The following CAMK2D variants were observed in gnomAD, a reference collection of about 807,000 sequenced individuals.
The protein encoded by CAMK2D is calcium/calmodulin-dependent protein kinase type II subunit delta.
A neutral mutation model predicts 84.0 loss-of-function variants in CAMK2D; 37 were observed. That is an observed-to-expected ratio of 0.44 (90% CI 0.34 to 0.58). CAMK2D has a LOEUF of 0.58. CAMK2D is among the 20% of genes least tolerant of loss of function. The probability of loss-of-function intolerance (pLI) is 0.02; values close to 1 mark genes in which losing one functional copy is unlikely to be tolerated. For missense variants in CAMK2D, 448 were observed against 652.5 expected, an observed-to-expected ratio of 0.69 and a Z score of 3.41; for synonymous variants, 202 against 212.5, an observed-to-expected ratio of 0.95 and a Z score of 0.43.
At chr4:113,597,375 C>T (rs961453044) in intron 4 of CAMK2D, among the ~76,000 whole-genome samples, 6 of 152,192 alleles carry the variant, frequency 3.9e-5, no homozygotes, top group Non-Finnish European at 8.8e-5. Flanking sequence ...GCAGCTTCTC[C>T]ATCAGCTCTT....
intron 4 of CAMK2D, among the ~76,000 whole-genome samples, chr4:113,599,029 G>T (rs568498587): frequency 3.7e-4 from 57 of 152,236 alleles, no homozygotes; most frequent in African/African-American, 1.3e-3. Context: ...CACCATAGAA[G>T]AATGCAGATG....
At chr4:113,595,048 AAAAGAAAAAAC>A (rs2098917893) in intron 4 of CAMK2D, among the ~76,000 whole-genome samples, 1 of 152,112 alleles carries the variant, frequency 6.6e-6, no homozygotes, top group African/African-American at 2.4e-5. Context: ...AAAACAAAGA[AAAAGAAAAAAC>A]AAAGAAAAAA....
At chr4:113,494,205 G>C (rs965498306) in intron 16 of CAMK2D, among the ~76,000 whole-genome samples, 2 of 152,224 alleles carry the variant, frequency 1.3e-5, no homozygotes, top group African/African-American at 2.4e-5. Flanking sequence ...CTTTGGAGGA[G>C]GAGAGGCACT....
intron 8 of CAMK2D, among the ~76,000 whole-genome samples, chr4:113,528,412 T>C (rs941348663): frequency 1.3e-5 from 2 of 152,048 alleles, no homozygotes; most frequent in Non-Finnish European, 2.9e-5. Flanking sequence ...TTAACCACTA[T>C]ACATACTGCC....
chr4:113,753,173 G>T (rs528357268), intron 2 of CAMK2D, among the ~76,000 whole-genome samples: 2 of 152,110 alleles, frequency 1.3e-5, no homozygotes, highest in Non-Finnish European at 2.9e-5. Flanking sequence ...ACATAATATT[G>T]TTCTAGGAGG....
intron 13 of CAMK2D, 114 bp from the exon 14 acceptor site, chr4:113,505,149 A>G (rs1172027888): frequency 4.0e-6 from 2 of 505,848 alleles, no homozygotes; most frequent in Non-Finnish European, 6.8e-6. Context: ...GAGCCACTGA[A>G]GATGAACGTG....
chr4:113,564,914 G>A (rs1417998095), intron 4 of CAMK2D, among the ~76,000 whole-genome samples: 3 of 152,138 alleles, frequency 2.0e-5, no homozygotes, highest in African/African-American at 7.2e-5. Context: ...AATACAAAAT[G>A]TAATAGGACA....
At chr4:113,559,501 C>T (rs2098688094) in intron 4 of CAMK2D, among the ~76,000 whole-genome samples, 1 of 152,202 alleles carries the variant, frequency 6.6e-6, no homozygotes, top group Non-Finnish European at 1.5e-5. Context: ...CATTGGCTCA[C>T]TGAAGAATGT....
intron 20 of CAMK2D, 56 bp downstream of exon 20, chr4:113,455,670 T>A: frequency 1.0e-6 from 1 of 957,182 alleles, no homozygotes; most frequent in South Asian, 1.5e-5. Flanking sequence ...AAAACAGCCA[T>A]GCAGCTTTTC....
chr4:113,636,985 T>C (rs549750910), intron 3 of CAMK2D, among the ~76,000 whole-genome samples: 1 of 152,262 alleles, frequency 6.6e-6, no homozygotes, highest in East Asian at 1.9e-4. Flanking sequence ...GCTGCTCCCA[T>C]CCTTGCCAGA....
intron 4 of CAMK2D, among the ~76,000 whole-genome samples, chr4:113,583,269 G>T (rs2098819035): frequency 2.0e-5 from 3 of 152,116 alleles, no homozygotes; most frequent in African/African-American, 7.2e-5. Context: ...TTAAGAATTT[G>T]AATAAAAGCC....
chr4:113,507,823 C>T (rs1277379210), intron 13 of CAMK2D, among the ~76,000 whole-genome samples: 2 of 152,024 alleles, frequency 1.3e-5, no homozygotes, highest in Non-Finnish European at 2.9e-5. Flanking sequence ...ATTGTAAGAT[C>T]ACTTTCACAC....
intron 16 of CAMK2D, among the ~76,000 whole-genome samples, chr4:113,492,428 C>A (rs2097857172): frequency 6.6e-6 from 1 of 152,284 alleles, no homozygotes; most frequent in African/African-American, 2.4e-5. Context: ...GCAGGTTGTT[C>A]AGTTTCCATG....
chr4:113,510,582 A>ATAAC (rs146716784), intron 12 of CAMK2D, among the ~76,000 whole-genome samples: 5,982 of 152,240 alleles, frequency 0.039, 386 homozygotes, highest in East Asian at 0.22. Context: ...AAGAGATAAT[A>ATAAC]TAACTGTCAA....
At chr4:113,699,965 A>G (rs180754294) in intron 2 of CAMK2D, among the ~76,000 whole-genome samples, 1 of 152,304 alleles carries the variant, frequency 6.6e-6, no homozygotes, top group East Asian at 1.9e-4. Context: ...TCAAATGACT[A>G]TGTACTTAAG....
intron 2 of CAMK2D, among the ~76,000 whole-genome samples, chr4:113,746,491 T>C (rs938691435): frequency 2.0e-5 from 3 of 152,154 alleles, no homozygotes; most frequent in Non-Finnish European, 4.4e-5. Flanking sequence ...GAGGATACAG[T>C]GTTGCAGGTA....
chr4:113,740,776 C>T (rs904471235), intron 2 of CAMK2D, among the ~76,000 whole-genome samples: 5 of 152,136 alleles, frequency 3.3e-5, no homozygotes, highest in African/African-American at 1.2e-4. Flanking sequence ...ATCCTTCTCA[C>T]TATTTCTAAT....
intron 8 of CAMK2D, among the ~76,000 whole-genome samples, chr4:113,522,346 G>T (rs1275102840): frequency 6.6e-6 from 1 of 152,200 alleles, no homozygotes; most frequent in Admixed American, 6.5e-5. Flanking sequence ...GAACTTGGAA[G>T]TACACAATTA....
chr4:113,698,307 T>A (rs2099408812), intron 2 of CAMK2D, among the ~76,000 whole-genome samples: 1 of 152,086 alleles, frequency 6.6e-6, no homozygotes, highest in South Asian at 2.1e-4. Flanking sequence ...ACCATCTATA[T>A]TCCATATCAA....
Sources: allele counts gnomAD v4.1 joint callset (sites outside exome capture counted in the v4.1 genomes callset), GRCh38; gene constraint gnomAD v4.1.1; transcripts MANE v1.5; gene names NCBI Gene and HGNC (gene_info 2026-07-23, HGNC 2026-07-21).